ATP8A2: variants seen among roughly 807,000 people sequenced by gnomAD.
ATP8A2 encodes phospholipid-transporting ATPase IB.
ATP8A2 carries 100 observed loss-of-function variants against 165.6 expected under a neutral mutation model. The observed-to-expected ratio is 0.60, with a 90% CI of 0.51 to 0.71. The LOEUF is 0.71. Among genes scored for constraint, ATP8A2 ranks in the 30% least tolerant of loss-of-function variants. ATP8A2 has a pLI of 0.00. For synonymous variants in ATP8A2, 543 were observed against 548.8 expected (o/e 0.99, Z 0.15); for missense variants, 1,227 against 1,479.5 (o/e 0.83, Z 2.80).
chr13:25,928,437 T>C (rs1472684494), intron 33 of ATP8A2, among the ~76,000 whole-genome samples: 2 of 152,218 alleles, frequency 1.3e-5, no homozygotes, highest in Non-Finnish European at 2.9e-5. Context: ...TCATCCTCTC[T>C]AAAATTAGCT....
At chr13:25,499,686 A>G (rs532785138) in intron 2 of ATP8A2, among the ~76,000 whole-genome samples, 6 of 152,326 alleles carry the variant, frequency 3.9e-5, no homozygotes, top group Admixed American at 6.5e-5. Flanking sequence ...AAACACACGT[A>G]CTGGTTCTCC....
intron 2 of ATP8A2, among the ~76,000 whole-genome samples, chr13:25,475,724 GGTACTCATT>G (rs1250748536): frequency 6.6e-6 from 1 of 152,190 alleles, no homozygotes; most frequent in Admixed American, 6.5e-5. Context: ...GGTGTGAGAT[GGTACTCATT>G]GTGGTTTTGA....
In ATP8A2 at chr13:25,407,451, A is replaced by G. The variant is rs1354903113; in HGVS notation, c.76+35163A>G. Among the ~76,000 whole-genome samples, 4 of 152,354 alleles carry G rather than the reference A, an allele frequency of 2.6e-5. No individual in the cohort carries two copies. In the East Asian group the frequency reaches 5.8e-4, roughly 22 times the overall value. ...ATGTATTTTGGAAAGTGCAATTTGC[A>G]TCAGGTATGGTAATACTGAAACATA... On this transcript the variant is annotated intron_variant, in intron 1 of 36. Transcript: ENST00000381655.
intron 24 of ATP8A2, among the ~76,000 whole-genome samples, chr13:25,615,283 T>C (rs1415943203): frequency 1.3e-5 from 2 of 152,142 alleles, no homozygotes; most frequent in Non-Finnish European, 2.9e-5. Flanking sequence ...TATGGCTGCC[T>C]CTGCTATGTC....
intron 35 of ATP8A2, among the ~76,000 whole-genome samples, chr13:26,008,312 C>T (rs956009984): frequency 6.6e-6 from 1 of 152,016 alleles, no homozygotes; most frequent in African/African-American, 2.4e-5. Context: ...TATGTAAGAA[C>T]AGGTGGATTT....
intron 27 of ATP8A2, among the ~76,000 whole-genome samples, chr13:25,810,442 A>T (rs17082775): frequency 6.6e-6 from 1 of 152,024 alleles, no homozygotes; most frequent in African/African-American, 2.4e-5. Context: ...TTGGGATGAA[A>T]AAAGCAAATA....
In ATP8A2 at chr13:25,953,522, TAAAAAAAA is replaced by T. The variant is rs374397075; in HGVS notation, c.3184-8036_3184-8029del. On this transcript the variant is annotated intron_variant, in intron 33 of 36. Transcript: ENST00000381655. This position sits in a 1 kb window ranked among gnomAD's most constrained non-coding sequence, Gnocchi z 6.7. ...GTAGCCCTGGTTACTCCAGCCTTTT[TAAAAAAAA>T]AAAAAAAAAAAAAAAAGCAAGGGAA... Among the ~76,000 whole-genome samples the T allele has an allele frequency of 1.1e-5, 1 of 94,960 alleles. No homozygotes were observed. Among genetic ancestry groups the T allele is most frequent in the African/African-American group, 4.3e-5 (1 of 23,330 alleles). The allele number at this position is 94,960 out of a possible 152,430, so 62.3% of individuals were successfully genotyped here.
At chr13:25,773,613 C>T (rs1221938800) in intron 26 of ATP8A2, among the ~76,000 whole-genome samples, 1 of 152,196 alleles carries the variant, frequency 6.6e-6, no homozygotes, top group East Asian at 1.9e-4. Flanking sequence ...GACTGCATAG[C>T]ACTCTGGCCA....
At chr13:25,643,731 G>T (rs544591497) in intron 24 of ATP8A2, among the ~76,000 whole-genome samples, 34 of 150,276 alleles carry the variant, frequency 2.3e-4, no homozygotes, top group Non-Finnish European at 4.3e-4. Flanking sequence ...TGATTGCTTT[G>T]GTTTTGTTTT....
intron 15 of ATP8A2, among the ~76,000 whole-genome samples, chr13:25,560,041 T>TG (rs2039095491): frequency 6.6e-6 from 1 of 152,142 alleles, no homozygotes; most frequent in Non-Finnish European, 1.5e-5. Context: ...TTGCTCAGGC[T>TG]GGTCTCAAAC....
intron 35 of ATP8A2, among the ~76,000 whole-genome samples, chr13:25,971,779 A>G (rs531260121): frequency 3.5e-4 from 53 of 152,242 alleles, no homozygotes; most frequent in Non-Finnish European, 4.4e-5. Context: ...TACAGCTAAC[A>G]TAGACTCACA....
intron 25 of ATP8A2, among the ~76,000 whole-genome samples, chr13:25,717,307 G>A (rs1421750291): frequency 6.6e-6 from 1 of 151,978 alleles, no homozygotes; most frequent in African/African-American, 2.4e-5. Flanking sequence ...ATTGAGAATG[G>A]GATCAGGGAT....
chr13:25,784,653 G>A (rs4141624), intron 27 of ATP8A2, among the ~76,000 whole-genome samples: 89,897 of 151,990 alleles, frequency 0.59, 26,678 homozygotes, highest in East Asian at 0.69. Context: ...TTCCTAAGTA[G>A]CATATTATTT....
At chr13:25,911,166 A>G (rs1017968240) in intron 33 of ATP8A2, among the ~76,000 whole-genome samples, 2 of 152,120 alleles carry the variant, frequency 1.3e-5, no homozygotes, top group African/African-American at 4.8e-5. Flanking sequence ...GCTGACAGGG[A>G]TTGGCAAAAG....
chr13:25,935,674 G>C (rs1321655967), intron 33 of ATP8A2, among the ~76,000 whole-genome samples: 2 of 152,056 alleles, frequency 1.3e-5, no homozygotes. Context: ...TTTAAGCAAC[G>C]AGATCTCCTG....
In ATP8A2 at chr13:25,531,167, G is replaced by GA. The variant is rs2038025956; in HGVS notation, c.420+507_420+508insA. Among the ~76,000 whole-genome samples, 47 of 76,034 alleles carry GA rather than the reference G, an allele frequency of 6.2e-4. 1 individual carries two copies. Among genetic ancestry groups the GA allele is most frequent in the Non-Finnish European group, 8.3e-4 (29 of 34,868 alleles). 49.9% of individuals were successfully genotyped at this position (76,034 alleles called of 152,430 possible). On this transcript the variant is annotated intron_variant, in intron 4 of 36. Transcript: ENST00000381655. ...TATATGTTATATATATGATATATAT[G>GA]TTATATGATATATATATGTTATATA...
chr13:25,942,305 G>A (rs116905265), intron 33 of ATP8A2, among the ~76,000 whole-genome samples: 11 of 152,286 alleles, frequency 7.2e-5, no homozygotes, highest in Non-Finnish European at 1.3e-4. Context: ...TTTCCCAAGA[G>A]GGCATAATCT....
At chr13:25,497,212 T>C (rs1052540493) in intron 2 of ATP8A2, among the ~76,000 whole-genome samples, 1 of 152,164 alleles carries the variant, frequency 6.6e-6, no homozygotes, top group African/African-American at 2.4e-5. Flanking sequence ...ACAGAAGGAA[T>C]ATTATGTGTG....
intron 25 of ATP8A2, among the ~76,000 whole-genome samples, chr13:25,731,322 G>GGAAGAAAA (rs2043634484): frequency 9.0e-6 from 1 of 110,572 alleles, no homozygotes; most frequent in African/African-American, 4.2e-5. Context: ...CGGAAGGAGA[G>GGAAGAAAA]AGAAAGAGAG....
Sources: gnomAD v4.1 joint callset for allele counts (sites outside exome capture counted in the v4.1 genomes callset) on GRCh38, gnomAD v4.1.1 for gene constraint, Gnocchi (gnomAD v3.1) non-coding constraint, MANE v1.5 for transcripts, NCBI Gene and HGNC (gene_info 2026-07-23, HGNC 2026-07-21) for gene names.